VTI1A: variants seen among roughly 807,000 people sequenced by gnomAD.
VTI1A encodes vesicle transport through interaction with t-SNAREs homolog 1A.
A neutral mutation model predicts 34.9 loss-of-function variants in VTI1A; 22 were observed. The ratio of observed to expected loss-of-function variants is 0.63; its 90% CI spans 0.45 to 0.90. The LOEUF is 0.90. VTI1A is among the 40% of genes least tolerant of loss of function. VTI1A has a pLI of 0.00. For synonymous variants in VTI1A, 87 were observed against 97.3 expected (o/e 0.89, Z 0.62); for missense variants, 268 against 275.6 (o/e 0.97, Z 0.20).
At chr10:112,847,239 G>A in the VTI1A span, among the ~76,000 whole-genome samples, 1 of 152,174 alleles carries the variant, frequency 6.6e-6, no homozygotes, top group Non-Finnish European at 1.5e-5. Context: ...TGACTGTTGT[G>A]TGGGATTCCT....
chr10:112,817,281 G>A lies in VTI1A; in HGVS notation c.*1898G>A, dbSNP rs1432538839. The A allele has an allele frequency of 2.2e-5, 5 of 232,150 alleles. No homozygotes were observed. Among genetic ancestry groups the A allele is most frequent in the East Asian group, 1.8e-4 (3 of 16,436 alleles). The allele number at this position is 232,150 out of a possible 1,614,324, so 14.4% of individuals were successfully genotyped here. A position where few individuals can be genotyped will look rare whatever the true frequency, so the allele number is the denominator to read the frequency against. On this transcript the variant is annotated 3_prime_UTR_variant, in exon 8 of 8. Coordinates refer to ENST00000393077, the MANE Select transcript of VTI1A (RefSeq NM_145206.4). ...CAGCTGCACTTCGCACGGCCATCCC[G>A]TCCACAATGCAGCAGACTCTTCCCA...
At chr10:112,580,532 C>A (rs1371095300) in intron 5 of VTI1A, among the ~76,000 whole-genome samples, 1 of 152,142 alleles carries the variant, frequency 6.6e-6, no homozygotes, top group African/African-American at 2.4e-5. Flanking sequence ...TCACAGTTCT[C>A]CCCAGGATTG....
intron 5 of VTI1A, chr10:112,548,807 T>G: frequency 6.7e-7 from 1 of 1,497,906 alleles, no homozygotes; most frequent in Non-Finnish European, 9.0e-7. Flanking sequence ...ATACCAACAA[T>G]GGCAGCATCA....
intron 5 of VTI1A, among the ~76,000 whole-genome samples, chr10:112,610,395 C>T (rs1381251218): frequency 2.0e-5 from 3 of 151,982 alleles, no homozygotes; most frequent in Non-Finnish European, 4.4e-5. Context: ...ACCAAAACAC[C>T]AAGCAAAATG....
At chr10:112,697,011 AT>A (rs1348746775) in intron 7 of VTI1A, among the ~76,000 whole-genome samples, 2 of 151,984 alleles carry the variant, frequency 1.3e-5, no homozygotes, top group Admixed American at 6.6e-5. Context: ...GGAAGGCAAT[AT>A]TTTTTTTCTA....
chr10:112,470,112 A>T (rs188687827), intron 3 of VTI1A, among the ~76,000 whole-genome samples: 52 of 152,328 alleles, frequency 3.4e-4, no homozygotes, highest in African/African-American at 9.1e-4. Flanking sequence ...CCGTGTTCAC[A>T]GTTGTGTAGA....
chr10:112,657,819 G>T (rs1406944485), intron 5 of VTI1A, among the ~76,000 whole-genome samples: 3 of 149,982 alleles, frequency 2.0e-5, no homozygotes, highest in African/African-American at 7.5e-5. Context: ...GTGTGTGTGT[G>T]TTTGTGTGTG....
At chr10:112,821,918 C>T (rs997235713), downstream of VTI1A, among the ~76,000 whole-genome samples, 1 of 152,208 alleles carries the variant, frequency 6.6e-6, no homozygotes, top group African/African-American at 2.4e-5. Context: ...CAGGCCCCTG[C>T]GCAGTGACAC....
At chr10:112,675,684 A>T (rs913744908) in intron 7 of VTI1A, among the ~76,000 whole-genome samples, 1 of 152,224 alleles carries the variant, frequency 6.6e-6, no homozygotes, top group Non-Finnish European at 1.5e-5. Flanking sequence ...TGTCATTGTT[A>T]GGAAATTTTA....
chr10:112,515,144 CAG>C (rs1849733204), intron 3 of VTI1A, among the ~76,000 whole-genome samples: 1 of 151,972 alleles, frequency 6.6e-6, no homozygotes. Context: ...CAGCTTGATG[CAG>C]AGTCATAGGG....
chr10:112,470,474 C>T (rs1419957129), intron 3 of VTI1A, among the ~76,000 whole-genome samples: 1 of 152,164 alleles, frequency 6.6e-6, no homozygotes, highest in African/African-American at 2.4e-5. Flanking sequence ...GTTTTCAGAG[C>T]AAGAACGGAG....
intron 5 of VTI1A, among the ~76,000 whole-genome samples, chr10:112,636,204 A>G (rs1331731394): frequency 6.6e-6 from 1 of 152,224 alleles, no homozygotes; most frequent in Non-Finnish European, 1.5e-5. Context: ...TTTCACTACA[A>G]ACTTTGCCAT....
intron 7 of VTI1A, among the ~76,000 whole-genome samples, chr10:112,760,750 A>G (rs926719393): frequency 2.0e-5 from 3 of 152,026 alleles, no homozygotes; most frequent in African/African-American, 4.8e-5. Flanking sequence ...TTAGCTGGGC[A>G]TGGTGGTGTG....
intron 7 of VTI1A, among the ~76,000 whole-genome samples, chr10:112,805,247 G>A (rs181966647): frequency 3.3e-5 from 5 of 151,906 alleles, no homozygotes; most frequent in East Asian, 3.9e-4. Context: ...TTTTAGCCAC[G>A]GGCTAATAAT....
intron 3 of VTI1A, among the ~76,000 whole-genome samples, chr10:112,471,196 G>T (rs773577032): frequency 2.0e-5 from 3 of 152,008 alleles, no homozygotes; most frequent in African/African-American, 7.2e-5. Flanking sequence ...AATATAATTT[G>T]TAGCTGACTA....
At chr10:112,603,023 G>T (rs1003543800) in intron 5 of VTI1A, among the ~76,000 whole-genome samples, 1 of 152,184 alleles carries the variant, frequency 6.6e-6, no homozygotes, top group Non-Finnish European at 1.5e-5. Flanking sequence ...AGTGTTTGTT[G>T]TTAATAATAC....
chr10:112,568,859 A>G (rs1433933057), intron 5 of VTI1A, among the ~76,000 whole-genome samples: 3 of 152,126 alleles, frequency 2.0e-5, no homozygotes, highest in Non-Finnish European at 4.4e-5. Flanking sequence ...AGGCCCACTT[A>G]AAAGGTGAAA....
intron 5 of VTI1A, among the ~76,000 whole-genome samples, chr10:112,661,535 C>A (rs1847449170): frequency 6.6e-6 from 1 of 152,186 alleles, no homozygotes; most frequent in Non-Finnish European, 1.5e-5. Flanking sequence ...ACATTACCTG[C>A]AGCTTAGTTC....
chr10:112,528,646 A>G lies in VTI1A; in HGVS notation c.342+1482A>G, dbSNP rs373524983. Among the ~76,000 whole-genome samples the G allele has an allele frequency of 8.5e-5, 13 of 152,266 alleles. No individual in the cohort carries two copies. In the East Asian group the frequency reaches 2.3e-3, roughly 27 times the overall value. On this transcript the variant is annotated intron_variant, in intron 4 of 7. Coordinates refer to ENST00000393077, the MANE Select transcript of VTI1A (RefSeq NM_145206.4). ...ATTTAGATTGCTCATACCTCTTGAA[A>G]ATGAGTGAATCATAATTTTATTTCC...
Sources: gnomAD v4.1 joint callset for allele counts (sites outside exome capture counted in the v4.1 genomes callset) on GRCh38, gnomAD v4.1.1 for gene constraint, MANE v1.5 for transcripts, NCBI Gene and HGNC (gene_info 2026-07-23, HGNC 2026-07-21) for gene names.